Variants in MYOF observed in about 807,000 individuals in gnomAD.
The protein encoded by MYOF is myoferlin.
MYOF carries 244 observed loss-of-function variants against 284.2 expected under a neutral mutation model. That is an observed-to-expected ratio of 0.86 (90% CI 0.77 to 0.95). The LOEUF (loss-of-function observed/expected upper bound fraction) is 0.95. Among genes scored for constraint, MYOF ranks in the 40% least tolerant of loss-of-function variants. The probability of loss-of-function intolerance (pLI) is 0.00; values close to 1 mark genes in which losing one functional copy is unlikely to be tolerated. For synonymous variants in MYOF, 904 were observed against 919.7 expected, an observed-to-expected ratio of 0.98 and a Z score of 0.31; for missense variants, 2,496 against 2,560.6, an observed-to-expected ratio of 0.97 and a Z score of 0.54.
intron 15 of MYOF, 49 bp from the exon 16 acceptor site, chr10:93,396,273 T>C: frequency 5.3e-6 from 7 of 1,315,770 alleles, no homozygotes; most frequent in Non-Finnish European, 7.3e-6. Flanking sequence ...GGTTCAGAGC[T>C]CCATCTAGGA....
At chr10:93,479,185 G>C (rs891766506) in intron 1 of MYOF, among the ~76,000 whole-genome samples, 1 of 150,952 alleles carries the variant, frequency 6.6e-6, no homozygotes, top group South Asian at 2.1e-4. Flanking sequence ...CTATCTCCCA[G>C]GCTGGAGTGC....
chr10:93,428,327 G>GGTAGC (rs911274927), intron 4 of MYOF, among the ~76,000 whole-genome samples: 28 of 151,386 alleles, frequency 1.8e-4, no homozygotes, highest in African/African-American at 6.8e-4. Flanking sequence ...CAGCCTCCTG[G>GGTAGC]GTAGCTGGGA....
chr10:93,438,416 G>A (rs1455952914), intron 3 of MYOF, among the ~76,000 whole-genome samples: 1 of 152,160 alleles, frequency 6.6e-6, no homozygotes, highest in Non-Finnish European at 1.5e-5. Context: ...TATTGCTAAG[G>A]TAAAATCCCC....
chr10:93,313,114 G>A lies in MYOF; in HGVS notation c.5795C>T (p.Pro1932Leu), dbSNP rs1289683651. Residue 1932 changes from proline to leucine, a missense_variant, in exon 51 of 54, where the codon CCC (proline) becomes CTC (leucine). Coordinates refer to ENST00000359263, the MANE Select transcript of MYOF (RefSeq NM_013451.4). Reference sequence around the variant, plus strand: ...GAGGGAGGCTGTCTTGGCTTTAAGGGGGTTCATGGCTTTGAGGTCCGGAAT... The same window carrying A: ...GAGGGAGGCTGTCTTGGCTTTAAGGAGGTTCATGGCTTTGAGGTCCGGAAT... ...DMIPDLKAMNPLKAKTASLFE... is the reference protein window; with the variant it reads ...DMIPDLKAMNLLKAKTASLFE... The A allele has an allele frequency of 5.0e-6, 8 of 1,613,954 alleles. No homozygotes were observed. In the African/African-American group the frequency reaches 8.0e-5, roughly 16 times the overall value.
chr10:93,323,145 T>C lies in MYOF; in HGVS notation c.5389A>G (p.Thr1797Ala). Reference sequence around the variant, plus strand: ...TTCTCGTCCAAGATAACGTCCTTGGTGTTCCAGATGATCACACGCAGGTAG... The same window carrying C: ...TTCTCGTCCAAGATAACGTCCTTGGCGTTCCAGATGATCACACGCAGGTAG... ...KYYLRVIIWN[T>A]KDVILDEKSI... is the part of the protein sequence containing the mutation. Residue 1797 changes from threonine (T) to alanine (A), a missense_variant, in exon 48 of 54, where the codon ACC (threonine) becomes GCC (alanine). Physicochemically the swap from Thr to Ala is moderately conservative, Grantham distance 58. Transcript: ENST00000359263. The C allele has an allele frequency of 1.2e-6, 2 of 1,614,134 alleles. No individual in the cohort carries two copies. The highest frequency in any genetic ancestry group is 1.3e-5 in the African/African-American group (1 of 75,052).
chr10:93,324,150 T>G (rs1284056262), intron 46 of MYOF: 1 of 152,226 alleles, frequency 6.6e-6, no homozygotes, highest in Non-Finnish European at 1.5e-5. Context: ...TCGAATGTTC[T>G]TCCAGACAGG....
intron 21 of MYOF, among the ~76,000 whole-genome samples, chr10:93,379,429 C>T (rs1846009837): frequency 6.6e-6 from 1 of 152,178 alleles, no homozygotes; most frequent in South Asian, 2.1e-4. Context: ...ATAAGACTAA[C>T]ATTTTCCACC....
intron 19 of MYOF, among the ~76,000 whole-genome samples, chr10:93,386,737 C>A (rs1179636866): frequency 6.6e-6 from 1 of 152,120 alleles, no homozygotes; most frequent in African/African-American, 2.4e-5. Context: ...TGAGCAAGGC[C>A]ACATTGCTCT....
chr10:93,372,856 T>C (rs1213629815), intron 24 of MYOF, 74 bp downstream of exon 24: 6 of 1,543,558 alleles, frequency 3.9e-6, no homozygotes, highest in Non-Finnish European at 5.3e-6. Context: ...TTGCAAATGA[T>C]ATAAAGCAGA....
At chr10:93,408,978 C>G (rs2296143) in intron 6 of MYOF, 63 bp from the exon 7 acceptor site, 108,688 of 1,601,152 alleles carry the variant, frequency 0.068, 13,548 homozygotes, top group East Asian at 0.67. Flanking sequence ...TTAGGATCCT[C>G]AGGTGTTGCT....
chr10:93,479,641 A>G (rs910955469), intron 1 of MYOF, among the ~76,000 whole-genome samples: 3 of 152,206 alleles, frequency 2.0e-5, no homozygotes, highest in Non-Finnish European at 4.4e-5. Context: ...AGGCATCTAA[A>G]GACCAGTTCC....
At chr10:93,474,840 G>A (rs1422260822) in intron 1 of MYOF, among the ~76,000 whole-genome samples, 6 of 151,028 alleles carry the variant, frequency 4.0e-5, no homozygotes, top group South Asian at 4.2e-4. Context: ...TTCACCTCCC[G>A]AGTTCAAGCA....
intron 3 of MYOF, among the ~76,000 whole-genome samples, chr10:93,433,445 C>G (rs1029483094): frequency 1.1e-4 from 16 of 152,178 alleles, no homozygotes; most frequent in African/African-American, 3.9e-4. Context: ...AGGCGTGAGC[C>G]GCCGCGCCTG....
intron 1 of MYOF, among the ~76,000 whole-genome samples, chr10:93,475,074 A>G (rs897955596): frequency 6.6e-6 from 1 of 152,176 alleles, no homozygotes; most frequent in African/African-American, 2.4e-5. Flanking sequence ...GTATTTGCTC[A>G]TGAGCAACTA....
intron 7 of MYOF, among the ~76,000 whole-genome samples, chr10:93,405,451 T>C (rs963464885): frequency 6.6e-6 from 1 of 152,242 alleles, no homozygotes; most frequent in Non-Finnish European, 1.5e-5. Flanking sequence ...CTTGTGTTTT[T>C]TCTTGCCTTT....
At chr10:93,433,841 T>G (rs1848981407) in intron 3 of MYOF, among the ~76,000 whole-genome samples, 1 of 152,246 alleles carries the variant, frequency 6.6e-6, no homozygotes, top group Non-Finnish European at 1.5e-5. Context: ...AACTGTATTA[T>G]TCTCCCCAAT....
chr10:93,380,615 C>T (rs977162147), intron 20 of MYOF, among the ~76,000 whole-genome samples: 3 of 152,176 alleles, frequency 2.0e-5, no homozygotes, highest in African/African-American at 7.2e-5. Context: ...ATTGGAAGTT[C>T]TCATACTTTG....
chr10:93,333,136 G>T, intron 43 of MYOF, 85 bp downstream of exon 43: 1 of 1,109,160 alleles, frequency 9.0e-7, no homozygotes, highest in Non-Finnish European at 1.4e-6. Flanking sequence ...TCAGAGCCTA[G>T]GACAGGGTTG....
intron 2 of MYOF, 114 bp downstream of exon 2, chr10:93,456,768 G>C (rs906690653): frequency 1.3e-6 from 1 of 748,610 alleles, no homozygotes; most frequent in Non-Finnish European, 2.2e-6. Flanking sequence ...GAGTGGGTGG[G>C]GGTGAAATGT....
Sources: gnomAD v4.1 joint callset for allele counts (sites outside exome capture counted in the v4.1 genomes callset) on GRCh38, gnomAD v4.1.1 for gene constraint, MANE v1.5 for transcripts, NCBI Gene and HGNC (gene_info 2026-07-23, HGNC 2026-07-21) for gene names.